The following TMEM132E variants were observed in gnomAD, a reference collection of about 807,000 sequenced individuals.
TMEM132E encodes transmembrane protein 132E.
TMEM132E carries 49 observed loss-of-function variants against 78.5 expected under a neutral mutation model. That is an observed-to-expected ratio of 0.62 (90% CI 0.50 to 0.79). The LOEUF (loss-of-function observed/expected upper bound fraction) is 0.79, where lower values mean the gene tolerates loss of function less well. TMEM132E is among the 30% of genes least tolerant of loss of function. The pLI, the probability that TMEM132E is intolerant of heterozygous loss-of-function variation, is 0.00. For missense variants in TMEM132E, 1,403 were observed against 1,470.9 expected (o/e 0.95, Z 0.75); for synonymous variants, 715 against 670.6 (o/e 1.07, Z -1.02).
chr17:34,601,168 G>A (rs574787194), intron 1 of TMEM132E, among the ~76,000 whole-genome samples: 11 of 152,324 alleles, frequency 7.2e-5, no homozygotes, highest in African/African-American at 2.6e-4. Context: ...CTCCATGCCA[G>A]CATTAATGAG....
chr17:34,637,489 A>G lies in TMEM132E; in HGVS notation c.2482A>G (p.Ser828Gly), dbSNP rs1907563647. Residue 828 changes from serine (S) to glycine (G), a missense_variant, in exon 9 of 9, where the codon AGC (serine) becomes GGC (glycine). By Grantham distance (56) the Ser-to-Gly change is moderately conservative. Coordinates refer to ENST00000631683, the MANE Select transcript of TMEM132E (RefSeq NM_001304438.2). ...CCCCACTTATGACTACCCGGGCCCC[A>G]GCCAACCAGGGCCCGGCGGGGGCGA... ...EDPTYDYPGP[S>G]QPGPGGGEDE... 6.2e-7 allele frequency: 1 copy of G among 1,610,064 alleles called. No individual in the cohort carries two copies. The highest frequency in any genetic ancestry group is 8.5e-7 in the Non-Finnish European group (1 of 1,178,636).
At position 34,580,147 on chromosome 17, in the gene TMEM132E, G is replaced by A. The variant is rs1308242771; in HGVS notation, c.-930G>A. 6.6e-6 allele frequency: 1 copy of A among 152,408 alleles called. No homozygotes were observed. Among genetic ancestry groups the A allele is most frequent in the East Asian group, 1.9e-4 (1 of 5,194 alleles). The allele number at this position is 152,408 out of a possible 1,614,324, so 9.4% of individuals were successfully genotyped here. A position where few individuals can be genotyped will look rare whatever the true frequency, so the allele number is the denominator to read the frequency against. On this transcript the variant is annotated 5_prime_UTR_variant, in exon 1 of 9. Coordinates refer to ENST00000631683, the MANE Select transcript of TMEM132E (RefSeq NM_001304438.2). ...CAGGAGCCCCTCTGCATCTTACAGC[G>A]TTTATGGTCATCAAGCTGGAGTCGA...
Position 34,637,195 on chromosome 17 carries a change from T to C in TMEM132E, c.2188T>C (p.Trp730Arg), listed in dbSNP as rs1907549304. 3.1e-6 allele frequency: 5 copies of C among 1,603,654 alleles called. No homozygotes were observed. The highest frequency in any genetic ancestry group is 4.3e-6 in the Non-Finnish European group (5 of 1,171,918). Residue 730 changes from tryptophan (W) to arginine (R), a missense_variant, in exon 9 of 9, where the codon TGG (tryptophan) becomes CGG (arginine). Physicochemically the swap from Trp to Arg is moderately radical, Grantham distance 101 (BLOSUM62 -3). Transcript: ENST00000631683. Reference sequence around the variant, plus strand: ...CCTCCAGGAAGCCCTACTGAGCCTCTGGCTCTCCTACAGTGATGGCACCAC... The same window carrying C: ...CCTCCAGGAAGCCCTACTGAGCCTCCGGCTCTCCTACAGTGATGGCACCAC... Reference protein sequence around the residue: ...FLKQEALLSLWLSYSDGTTAP... With the variant: ...FLKQEALLSLRLSYSDGTTAP...
intron 1 of TMEM132E, among the ~76,000 whole-genome samples, chr17:34,582,491 T>C (rs888314952): frequency 6.6e-4 from 92 of 139,310 alleles, no homozygotes; most frequent in African/African-American, 2.3e-3. Flanking sequence ...GGTGGCTTGG[T>C]TATTCCCGGC....
rs1180693477 is a variant in TMEM132E, at chr17:34,638,268, A to C, written c.*36A>C. ...CGGAGTAGCAGGGACCCCCCCCCCC[A>C]ACGGGGTCAGCTCGGGGTAGGACAC... On this transcript the variant is annotated 3_prime_UTR_variant, in exon 9 of 9. Coordinates refer to ENST00000631683, the MANE Select transcript of TMEM132E (RefSeq NM_001304438.2). 3.6e-5 allele frequency: 51 copies of C among 1,435,744 alleles called. No individual in the cohort carries two copies. In the Admixed American group the frequency reaches 3.9e-4, roughly 11 times the overall value. The allele number at this position is 1,435,744 out of a possible 1,614,324, so 88.9% of individuals were successfully genotyped here.
At chr17:34,628,740 C>T in intron 3 of TMEM132E, 31 bp downstream of exon 3, 1 of 1,548,276 alleles carries the variant, frequency 6.5e-7, no homozygotes, top group African/African-American at 1.4e-5. Flanking sequence ...CTACCCACCT[C>T]TTCGCAAAGC....
At chr17:34,625,354 G>C (rs190507385) in intron 1 of TMEM132E, among the ~76,000 whole-genome samples, 4 of 152,256 alleles carry the variant, frequency 2.6e-5, no homozygotes, top group Non-Finnish European at 5.9e-5. Context: ...TGGCCAAAGG[G>C]AGAAGGGAGA....
In TMEM132E at chr17:34,626,822, G is replaced by C. The variant is rs775469705; in HGVS notation, c.763G>C (p.Gly255Arg). Reference sequence around the variant, plus strand: ...GGGCTCCCGCCGGGGGGCCGGGCCCGGGGTGGGGGCCCGAGCGGAAAGCCC... The same window carrying C: ...GGGCTCCCGCCGGGGGGCCGGGCCCCGGGTGGGGGCCCGAGCGGAAAGCCC... ...CGGSRRGAGPGVGARAESPTQ... is the reference protein window; with the variant it reads ...CGGSRRGAGPRVGARAESPTQ... Residue 255 changes from glycine (G) to arginine (R), a missense_variant, in exon 2 of 9, where the codon GGG becomes CGG. Gly to Arg is a moderately radical substitution (Grantham distance 125). This residue lies in a region of TMEM132E where 511 missense variants were observed against 499.0 expected (regional missense o/e 1.02). Coordinates refer to ENST00000631683, the MANE Select transcript of TMEM132E (RefSeq NM_001304438.2). The C allele has an allele frequency of 3.2e-6, 5 of 1,545,894 alleles. No individual in the cohort carries two copies. Among genetic ancestry groups the C allele is most frequent in the Non-Finnish European group, 4.3e-6 (5 of 1,151,508 alleles).
At chr17:34,581,278 C>A in intron 1 of TMEM132E, 135 bp downstream of exon 1, 2 of 842,746 alleles carry the variant, frequency 2.4e-6, no homozygotes, top group Non-Finnish European at 3.3e-6. Flanking sequence ...TCTCTGGCTG[C>A]AGCTCGAGTT....
chr17:34,619,933 C>T (rs1417965769), intron 1 of TMEM132E, among the ~76,000 whole-genome samples: 1 of 152,272 alleles, frequency 6.6e-6, no homozygotes, highest in Non-Finnish European at 1.5e-5. Flanking sequence ...GCCCAGCACC[C>T]TTGAGCCCTG....
intron 1 of TMEM132E, among the ~76,000 whole-genome samples, chr17:34,613,211 A>ACGCGCGCGCG (rs1555563343): frequency 0.018 from 2,091 of 115,818 alleles, 38 homozygotes; most frequent in East Asian, 0.049. Flanking sequence ...ACACACACAC[A>ACGCGCGCGCG]CGCGCGCGCG....
At position 34,617,477 on chromosome 17, in the gene TMEM132E, A is replaced by G. The variant is rs146187023; in HGVS notation, c.68-8650A>G. Among the ~76,000 whole-genome samples, 188 of 152,326 alleles carry G rather than the reference A, an allele frequency of 1.2e-3. 1 individual carries two copies. Among genetic ancestry groups the G allele is most frequent in the African/African-American group, 4.4e-3 (182 of 41,558 alleles). On this transcript the variant is annotated intron_variant, in intron 1 of 8. Transcript: ENST00000631683. ...AACAGGTGAGCACTTCCCTCCTCTC[A>G]GAACTAAATAACCAATAAATGTTGA...
rs746328882 is a variant in TMEM132E at position 34,637,306 on chromosome 17, C to T, written c.2299C>T (p.Arg767Trp). The change falls in exon 9 of 9, where the codon CGG becomes TGG. Residue 767 changes from arginine to tryptophan, a missense_variant. By Grantham distance (101) the Arg-to-Trp change is moderately radical (BLOSUM62 -3). Transcript: ENST00000631683. ...GCATGTGGCCACTGTGACCCAGGAC[C>T]GGGCCTTCCCTCTGGTAGTGGCTGA... The part of the protein sequence containing the change: ...DEHVATVTQD[R>W]AFPLVVAEAE... The T allele has an allele frequency of 5.1e-5, 83 of 1,614,006 alleles. No homozygotes were observed. The highest frequency in any genetic ancestry group is 6.5e-5 in the Non-Finnish European group (77 of 1,180,050).
intron 1 of TMEM132E, among the ~76,000 whole-genome samples, chr17:34,615,900 C>T (rs1160193046): frequency 2.0e-5 from 3 of 151,938 alleles, no homozygotes; most frequent in Non-Finnish European, 2.9e-5. Flanking sequence ...TGCCAGGCAC[C>T]GCTGAAACAT....
chr17:34,611,972 G>A (rs1035407651), intron 1 of TMEM132E, among the ~76,000 whole-genome samples: 8 of 152,146 alleles, frequency 5.3e-5, no homozygotes, highest in African/African-American at 1.9e-4. Flanking sequence ...GCCTGGGACC[G>A]AGGGTCTACT....
At position 34,587,859 on chromosome 17, in the gene TMEM132E, C is replaced by T. The variant is rs543920438; in HGVS notation, c.67+6716C>T. The stretch of plus-strand genomic sequence containing the variant: ...TATGTGAAGGCAGCACTGTGATCCC[C>T]TTTTTATGCAAGGCAAAGCTGAGGC... On this transcript the variant is annotated intron_variant, in intron 1 of 8. Coordinates refer to ENST00000631683, the MANE Select transcript of TMEM132E (RefSeq NM_001304438.2). 7.9e-5 allele frequency among the ~76,000 whole-genome samples: 12 copies of T among 152,358 alleles called. 1 individual carries two copies. The East Asian group carries it at 1.7e-3, about 22-fold the overall frequency.
At chr17:34,616,136 C>T (rs1017892653) in intron 1 of TMEM132E, among the ~76,000 whole-genome samples, 9 of 152,090 alleles carry the variant, frequency 5.9e-5, no homozygotes, top group African/African-American at 2.2e-4. Context: ...ATCCCTTCAG[C>T]TAAGAGATGG....
rs553628300 is a variant in TMEM132E, at chr17:34,626,201, C to T, written c.142C>T (p.Arg48Cys). Residue 48 changes from arginine (R) to cysteine (C), a missense_variant, in exon 2 of 9, where the codon CGC becomes TGC. Arg to Cys is a radical substitution (Grantham distance 180, BLOSUM62 -3). Coordinates refer to ENST00000631683, the MANE Select transcript of TMEM132E (RefSeq NM_001304438.2). Reference sequence around the variant, plus strand: ...CAGCCCGGTGCTGCCAGTCAGCTACCGCCTGTCGCACACGCGGCTGGCCTT... The same window carrying T: ...CAGCCCGGTGCTGCCAGTCAGCTACTGCCTGTCGCACACGCGGCTGGCCTT... ...QASPVLPVSY[R>C]LSHTRLAFFL... 41 of 1,572,434 alleles carry T rather than the reference C, an allele frequency of 2.6e-5. No homozygotes were observed. The highest frequency in any genetic ancestry group is 3.5e-5 in the Non-Finnish European group (40 of 1,159,392).
chr17:34,637,791 C>T lies in TMEM132E; in HGVS notation c.2784C>T (p.Ser928=), dbSNP rs758315708. The T allele has an allele frequency of 6.2e-7, 1 of 1,613,410 alleles. No homozygotes were observed. The highest frequency in any genetic ancestry group is 1.1e-5 in the South Asian group (1 of 91,078). Residue 928 remains serine, a synonymous_variant, in exon 9 of 9, where the codon AGC becomes AGT. Coordinates refer to ENST00000631683, the MANE Select transcript of TMEM132E (RefSeq NM_001304438.2). The part of the protein sequence containing the change: ...HKRIPPEGQT[S]MDHSHHWVFL... ...GCATCCCGCCCGAGGGCCAGACCAGCATGGACCACTCTCACCACTGGGTGT... is the reference window on the plus strand; with the variant it reads ...GCATCCCGCCCGAGGGCCAGACCAGTATGGACCACTCTCACCACTGGGTGT...
Sources: allele counts gnomAD v4.1 joint callset (sites outside exome capture counted in the v4.1 genomes callset), GRCh38; gene constraint gnomAD v4.1.1; regional missense constraint gnomAD v4.1.1; transcripts MANE v1.5; gene names NCBI Gene and HGNC (gene_info 2026-07-23, HGNC 2026-07-21).